UNC5D: variants seen among roughly 807,000 people sequenced by gnomAD.
UNC5D encodes the protein netrin receptor UNC5D.
UNC5D carries 39 observed loss-of-function variants against 105.4 expected under a neutral mutation model. The ratio of observed to expected loss-of-function variants is 0.37; its 90% CI spans 0.29 to 0.48. UNC5D has a LOEUF of 0.48. Ranked by LOEUF, UNC5D falls within the 20% of genes least tolerant of loss-of-function variation. The pLI, the probability that UNC5D is intolerant of heterozygous loss-of-function variation, is 0.98. For missense variants in UNC5D, 991 were observed against 1,202.4 expected, an observed-to-expected ratio of 0.82 and a Z score of 2.60; for synonymous variants, 452 against 450.4, an observed-to-expected ratio of 1.00 and a Z score of -0.04.
intron 4 of UNC5D, among the ~76,000 whole-genome samples, chr8:35,672,980 T>C (rs1435039528): frequency 6.6e-6 from 1 of 152,188 alleles, no homozygotes; most frequent in Non-Finnish European, 1.5e-5. Context: ...GAGGGACGGA[T>C]GTCTGTCATT....
chr8:35,400,294 A>G (rs1471452719), intron 1 of UNC5D, among the ~76,000 whole-genome samples: 1 of 152,152 alleles, frequency 6.6e-6, no homozygotes, highest in African/African-American at 2.4e-5. Flanking sequence ...ATGCATTTTA[A>G]TAAATTTACC....
chr8:35,575,655 G>A (rs566994147), intron 3 of UNC5D, among the ~76,000 whole-genome samples: 37 of 152,148 alleles, frequency 2.4e-4, no homozygotes, highest in African/African-American at 7.7e-4. Context: ...TATTAAGACC[G>A]ATGCTCAACA....
At chr8:35,614,299 C>A (rs1306791042) in intron 4 of UNC5D, among the ~76,000 whole-genome samples, 1 of 152,148 alleles carries the variant, frequency 6.6e-6, no homozygotes, top group Non-Finnish European at 1.5e-5. Context: ...TTGTGTTTAA[C>A]CTCAATCAAA....
chr8:35,546,965 T>A (rs1815728439), intron 1 of UNC5D, among the ~76,000 whole-genome samples: 1 of 152,236 alleles, frequency 6.6e-6, no homozygotes, highest in Non-Finnish European at 1.5e-5. Flanking sequence ...ATTACTTGAA[T>A]GTGAGTTAGC....
intron 4 of UNC5D, among the ~76,000 whole-genome samples, chr8:35,657,637 A>G (rs1347036884): frequency 4.6e-5 from 7 of 152,106 alleles, no homozygotes; most frequent in Non-Finnish European, 1.0e-4. Flanking sequence ...AGCATGTGCC[A>G]CCATGCCTGG....
intron 1 of UNC5D, among the ~76,000 whole-genome samples, chr8:35,493,281 C>CAAAAAA (rs35199794): frequency 3.6e-4 from 24 of 67,096 alleles, no homozygotes; most frequent in East Asian, 1.5e-3. Context: ...AGTCTGTGAC[C>CAAAAAA]AAAAAAAAAA....
chr8:35,472,566 A>G (rs1349894729), intron 1 of UNC5D, among the ~76,000 whole-genome samples: 1 of 152,184 alleles, frequency 6.6e-6, no homozygotes, highest in Non-Finnish European at 1.5e-5. Context: ...TAGCACACTT[A>G]TCAGAAGGGA....
chr8:35,405,639 C>T lies in UNC5D; in HGVS notation c.104-143653C>T, dbSNP rs531132720. 4.6e-5 allele frequency among the ~76,000 whole-genome samples: 7 copies of T among 152,146 alleles called. No individual in the cohort carries two copies. The South Asian group carries it at 8.3e-4, about 18-fold the overall frequency. Reference sequence around the variant, plus strand: ...AGAATTAGTCTTCATTTGGTAATGACGGTTCCCCTAACGTTAAACTGTTTC... The same window carrying T: ...AGAATTAGTCTTCATTTGGTAATGATGGTTCCCCTAACGTTAAACTGTTTC... On this transcript the variant is annotated intron_variant, in intron 1 of 16. Transcript: ENST00000404895.
chr8:35,679,166 C>T (rs1331912121), intron 4 of UNC5D, among the ~76,000 whole-genome samples: 1 of 152,082 alleles, frequency 6.6e-6, no homozygotes, highest in African/African-American at 2.4e-5. Context: ...GGGAGGATTG[C>T]TTCAGCCTGG....
chr8:35,528,126 A>G (rs1280992631), intron 1 of UNC5D, among the ~76,000 whole-genome samples: 2 of 143,640 alleles, frequency 1.4e-5, no homozygotes, highest in African/African-American at 5.3e-5. Flanking sequence ...TACATGTGCC[A>G]TGCTGGTGTG....
chr8:35,250,080 G>C (rs150547395), intron 1 of UNC5D, among the ~76,000 whole-genome samples: 67 of 152,122 alleles, frequency 4.4e-4, no homozygotes, highest in Middle Eastern at 3.4e-3. Context: ...ATTGGAACAC[G>C]TTAGATTAAA....
chr8:35,413,385 A>G (rs1002097078), intron 1 of UNC5D, among the ~76,000 whole-genome samples: 9 of 151,576 alleles, frequency 5.9e-5, no homozygotes, highest in African/African-American at 2.2e-4. Flanking sequence ...ACTTTGAAAA[A>G]AAAAAGTTAT....
intron 16 of UNC5D, among the ~76,000 whole-genome samples, chr8:35,784,908 CATA>C (rs1433101163): frequency 6.6e-6 from 1 of 152,038 alleles, no homozygotes; most frequent in African/African-American, 2.4e-5. Flanking sequence ...GGAGTCAATG[CATA>C]AAAAAGTTAA....
At chr8:35,555,824 C>CA (rs1320128543) in intron 2 of UNC5D, among the ~76,000 whole-genome samples, 5 of 120,486 alleles carry the variant, frequency 4.1e-5, no homozygotes, top group Non-Finnish European at 6.4e-5. Flanking sequence ...GACTCCACCT[C>CA]AAAAAAATAC....
At position 35,528,495 on chromosome 8, in the gene UNC5D, C is replaced by T. The variant is rs1274507981; in HGVS notation, c.104-20797C>T. Among the ~76,000 whole-genome samples the T allele has an allele frequency of 9.0e-4, 132 of 145,926 alleles. 2 individuals carry two copies. The highest frequency in any genetic ancestry group is 4.5e-4 in the South Asian group (2 of 4,398). Reference sequence around the variant, plus strand: ...AAGTCTTTGCTATTGTGAATAATGCCGCAATAAACATACGTGTGCATGTGT... The same window carrying T: ...AAGTCTTTGCTATTGTGAATAATGCTGCAATAAACATACGTGTGCATGTGT... On this transcript the variant is annotated intron_variant, in intron 1 of 16. Transcript: ENST00000404895.
intron 1 of UNC5D, among the ~76,000 whole-genome samples, chr8:35,273,767 TA>T (rs1230921915): frequency 6.6e-6 from 1 of 152,218 alleles, no homozygotes; most frequent in East Asian, 1.9e-4. Flanking sequence ...TTGGCTTGCA[TA>T]AAATCGGTTG....
intron 4 of UNC5D, among the ~76,000 whole-genome samples, chr8:35,636,145 G>C (rs1235081273): frequency 1.3e-5 from 2 of 152,166 alleles, no homozygotes; most frequent in Non-Finnish European, 2.9e-5. Flanking sequence ...TTGTGATTAT[G>C]CAGGAGGTAC....
intron 1 of UNC5D, among the ~76,000 whole-genome samples, chr8:35,503,489 T>C (rs896469877): frequency 1.3e-5 from 2 of 152,098 alleles, no homozygotes; most frequent in East Asian, 3.9e-4. Context: ...TCCCACAGCA[T>C]GTGGGAATTA....
chr8:35,661,052 C>G (rs772860430), intron 4 of UNC5D, among the ~76,000 whole-genome samples: 1 of 151,830 alleles, frequency 6.6e-6, no homozygotes, highest in Non-Finnish European at 1.5e-5. Context: ...AAGCTACGAT[C>G]ATGCTACTGT....
Sources: allele counts gnomAD v4.1 joint callset (sites outside exome capture counted in the v4.1 genomes callset), GRCh38; gene constraint gnomAD v4.1.1; transcripts MANE v1.5; gene names NCBI Gene and HGNC (gene_info 2026-07-23, HGNC 2026-07-21).